The following SOX5 variants were observed in gnomAD, a reference collection of about 807,000 sequenced individuals.
The protein encoded by SOX5 is SRY-box transcription factor 5, also known as transcription factor SOX-5.
A neutral mutation model predicts 92.0 loss-of-function variants in SOX5; 9 were observed. The ratio of observed to expected loss-of-function variants is 0.10; its 90% CI spans 0.06 to 0.17. The LOEUF (loss-of-function observed/expected upper bound fraction) is 0.17, where lower values mean the gene tolerates loss of function less well. SOX5 is among the 10% of genes least tolerant of loss of function. The pLI is 1.00. For synonymous variants in SOX5, 344 were observed against 336.3 expected, an observed-to-expected ratio of 1.02 and a Z score of -0.25; for missense variants, 642 against 944.5, an observed-to-expected ratio of 0.68 and a Z score of 4.20.
At chr12:24,329,429 T>C (rs1029371355) in intron 2 of SOX5, among the ~76,000 whole-genome samples, 1 of 152,084 alleles carries the variant, frequency 6.6e-6, no homozygotes, top group Non-Finnish European at 1.5e-5. Flanking sequence ...CTCACAATCA[T>C]GAGAACAACA....
chr12:24,372,076 T>C (rs887458042), intron 1 of SOX5, among the ~76,000 whole-genome samples: 2 of 152,112 alleles, frequency 1.3e-5, no homozygotes, highest in African/African-American at 4.8e-5. Context: ...ACACAGTAAA[T>C]TCCTTCCAAC....
intron 7 of SOX5, among the ~76,000 whole-genome samples, chr12:23,650,061 G>A (rs577773877): frequency 6.6e-6 from 1 of 152,124 alleles, no homozygotes; most frequent in East Asian, 1.9e-4. Context: ...CTTGCCTTCT[G>A]TAGGTGCTGG....
intron 4 of SOX5, among the ~76,000 whole-genome samples, chr12:24,158,357 T>G (rs907008805): frequency 7.9e-5 from 12 of 151,964 alleles, no homozygotes; most frequent in African/African-American, 2.4e-4. Flanking sequence ...GGGAAATATT[T>G]TACAAAATAA....
intron 1 of SOX5, among the ~76,000 whole-genome samples, chr12:24,434,039 G>A (rs182961521): frequency 1.4e-4 from 22 of 152,284 alleles, no homozygotes; most frequent in Admixed American, 1.1e-3. Context: ...AGAGAGAACA[G>A]TCTCTCGGAA....
At chr12:24,409,196 G>A (rs1217113195) in intron 1 of SOX5, among the ~76,000 whole-genome samples, 2 of 152,216 alleles carry the variant, frequency 1.3e-5, no homozygotes, top group Non-Finnish European at 2.9e-5. Context: ...GAAGCTGAAA[G>A]CCATCATCCT....
At position 24,047,482 on chromosome 12, in the gene SOX5, G is replaced by A. The variant is rs540963098; in HGVS notation, c.-1-151458C>T. Among the ~76,000 whole-genome samples, 14 of 152,276 alleles carry A rather than the reference G, an allele frequency of 9.2e-5. No individual in the cohort carries two copies. In the South Asian group the frequency reaches 1.7e-3, roughly 18 times the overall value. On this transcript the variant is annotated intron_variant, in intron 4 of 4. Coordinates refer to the SOX5 transcript ENST00000446891. The stretch of plus-strand genomic sequence containing the variant: ...AATGATCTTTCAACACTCATTCTGT[G>A]TACTGTAAGCACAGTTTATGCTGAA...
chr12:23,954,764 A>C (rs911966139), upstream of SOX5, among the ~76,000 whole-genome samples: 1 of 152,074 alleles, frequency 6.6e-6, no homozygotes, highest in Non-Finnish European at 1.5e-5. Flanking sequence ...TAGAATACAC[A>C]GATGAATTGT....
At chr12:24,226,246 C>T (rs1433958140) in intron 3 of SOX5, among the ~76,000 whole-genome samples, 1 of 152,082 alleles carries the variant, frequency 6.6e-6, no homozygotes, top group Non-Finnish European at 1.5e-5. Flanking sequence ...TATTCATTCA[C>T]ACCCACACAA....
intron 3 of SOX5, among the ~76,000 whole-genome samples, chr12:23,837,265 T>G (rs2096435895): frequency 1.4e-5 from 1 of 69,582 alleles, no homozygotes; most frequent in East Asian, 1.4e-3. Flanking sequence ...ATTTATATAA[T>G]ATATAATATG....
At chr12:24,389,578 A>G (rs1958783929) in intron 1 of SOX5, among the ~76,000 whole-genome samples, 1 of 152,194 alleles carries the variant, frequency 6.6e-6, no homozygotes, top group African/African-American at 2.4e-5. Context: ...TTCATTGCCT[A>G]GCAATATTCC....
intron 1 of SOX5, among the ~76,000 whole-genome samples, chr12:24,435,057 C>T (rs911812285): frequency 2.0e-5 from 3 of 152,222 alleles, no homozygotes; most frequent in Admixed American, 1.3e-4. Flanking sequence ...CCACTTCTGC[C>T]ACCAAAGAGA....
intron 11 of SOX5, among the ~76,000 whole-genome samples, chr12:23,558,184 C>G (rs1185604589): frequency 6.6e-6 from 1 of 152,128 alleles, no homozygotes; most frequent in Non-Finnish European, 1.5e-5. Flanking sequence ...GCTAACATTA[C>G]CTTTGATCTG....
At chr12:24,010,689 C>T (rs897482897) in intron 4 of SOX5, among the ~76,000 whole-genome samples, 2 of 152,282 alleles carry the variant, frequency 1.3e-5, no homozygotes, top group East Asian at 3.9e-4. Context: ...AATCCCAGCA[C>T]TTTGGAAGGC....
chr12:23,541,618 A>T (rs550262134), intron 13 of SOX5, among the ~76,000 whole-genome samples: 31 of 152,342 alleles, frequency 2.0e-4, no homozygotes, highest in African/African-American at 5.8e-4. Context: ...TTGATTATGC[A>T]TGATATATAT....
intron 6 of SOX5, among the ~76,000 whole-genome samples, chr12:23,727,654 G>C (rs2093205381): frequency 6.6e-6 from 1 of 152,148 alleles, no homozygotes; most frequent in African/African-American, 2.4e-5. Context: ...TCTTGAGGAA[G>C]GGGAAAGGAG....
intron 3 of SOX5, among the ~76,000 whole-genome samples, chr12:23,834,612 T>C (rs2096383778): frequency 6.6e-6 from 1 of 151,914 alleles, no homozygotes; most frequent in Non-Finnish European, 1.5e-5. Context: ...GAAACATTCT[T>C]TTCACAAATA....
intron 4 of SOX5, among the ~76,000 whole-genome samples, chr12:24,131,397 C>A (rs916598517): frequency 6.6e-6 from 1 of 152,056 alleles, no homozygotes; most frequent in Non-Finnish European, 1.5e-5. Context: ...GAGTTCCTAG[C>A]GGGCAAGAGA....
At chr12:24,068,700 GTGTGTATATATATATATATATATA>G (rs1201223513) in intron 4 of SOX5, among the ~76,000 whole-genome samples, 2 of 54,086 alleles carry the variant, frequency 3.7e-5, no homozygotes, top group African/African-American at 1.6e-4. Flanking sequence ...GTGTGTGTGT[GTGTGTATATATATATATATATATA>G]TATATATATA....
intron 11 of SOX5, among the ~76,000 whole-genome samples, chr12:23,550,123 G>T (rs1943909699): frequency 6.6e-6 from 1 of 151,914 alleles, no homozygotes; most frequent in South Asian, 2.1e-4. Context: ...AATCTAAAAG[G>T]GGAGCCAAGA....
Sources: allele counts gnomAD v4.1 joint callset (sites outside exome capture counted in the v4.1 genomes callset), GRCh38; gene constraint gnomAD v4.1.1; transcripts MANE v1.5; gene names NCBI Gene and HGNC (gene_info 2026-07-23, HGNC 2026-07-21).